The following GOLGA4 variants were observed in gnomAD, a reference collection of about 807,000 sequenced individuals.
GOLGA4 encodes the protein golgin A4.
In GOLGA4, 169 loss-of-function variants were observed where a neutral mutation model predicts 265.9. The ratio of observed to expected loss-of-function variants is 0.64; its 90% CI spans 0.56 to 0.72. GOLGA4 has a LOEUF of 0.72. Ranked by LOEUF, GOLGA4 falls within the 30% of genes least tolerant of loss-of-function variation. The pLI is 0.00. For synonymous variants in GOLGA4, 923 were observed against 855.8 expected, an observed-to-expected ratio of 1.08 and a Z score of -1.37; for missense variants, 2,482 against 2,483.4, an observed-to-expected ratio of 1.00 and a Z score of 0.01.
At chr3:37,347,024 A>G (rs555168506) in intron 20 of GOLGA4, among the ~76,000 whole-genome samples, 169 bp from the exon 21 acceptor site, 1 of 152,354 alleles carries the variant, frequency 6.6e-6, no homozygotes, top group East Asian at 1.9e-4. Context: ...CAAGCATAAA[A>G]TAGTAATTGG....
At chr3:37,259,894 G>C (rs114218693) in intron 2 of GOLGA4, among the ~76,000 whole-genome samples, 1 of 152,202 alleles carries the variant, frequency 6.6e-6, no homozygotes, top group Non-Finnish European at 1.5e-5. Context: ...TTTCTATGTA[G>C]TAAAACTATC....
intron 3 of GOLGA4, among the ~76,000 whole-genome samples, chr3:37,284,404 C>T (rs930875572): frequency 9.9e-5 from 15 of 152,082 alleles, no homozygotes; most frequent in African/African-American, 3.1e-4. Context: ...CAGGCATGCG[C>T]CACCATGCTC....
chr3:37,251,353 C>A, intron 1 of GOLGA4, 42 bp from the exon 2 acceptor site: 1 of 1,214,100 alleles, frequency 8.2e-7, no homozygotes, highest in Non-Finnish European at 1.2e-6. Flanking sequence ...GTTCACTAGT[C>A]AATATAGTCT....
intron 2 of GOLGA4, chr3:37,275,801 AC>A: frequency 6.2e-7 from 1 of 1,613,674 alleles, no homozygotes; most frequent in Non-Finnish European, 8.5e-7. Flanking sequence ...TATTCCTATG[AC>A]CCTGGAATTA....
intron 2 of GOLGA4, among the ~76,000 whole-genome samples, chr3:37,259,542 T>G (rs980670048): frequency 2.6e-5 from 4 of 152,236 alleles, no homozygotes; most frequent in African/African-American, 7.2e-5. Context: ...CTGATTTTCA[T>G]GATATGAGTC....
intron 2 of GOLGA4, among the ~76,000 whole-genome samples, chr3:37,274,925 T>A (rs958192587): frequency 9.3e-5 from 14 of 151,320 alleles, no homozygotes; most frequent in African/African-American, 3.4e-4. Context: ...GTCTAACAAA[T>A]GTTTAGGGCC....
Position 37,335,057 on chromosome 3 carries a change from G to C in GOLGA4, c.6197G>C (p.Arg2066Pro). Residue 2066 changes from arginine to proline, a missense_variant, in exon 17 of 24, where the codon CGT (arginine) becomes CCT (proline). Physicochemically the swap from Arg to Pro is moderately radical, Grantham distance 103. This residue lies in a region of GOLGA4 where 942 missense variants were observed against 983.1 expected (regional missense o/e 0.96). Transcript: ENST00000361924. Reference protein sequence around the residue: ...AKRYEEILDAREEEMTAKVRD... With the variant: ...AKRYEEILDAPEEEMTAKVRD... ...CTTTTTTTTTAAATCCTAAAGGCTC[G>C]TGAAGAAGAAATGACTGCAAAAGTA... 1.9e-6 allele frequency: 3 copies of C among 1,557,242 alleles called. No homozygotes were observed. The highest frequency in any genetic ancestry group is 2.6e-6 in the Non-Finnish European group (3 of 1,139,054).
intron 21 of GOLGA4, among the ~76,000 whole-genome samples, chr3:37,348,689 A>G (rs2097063970): frequency 6.6e-6 from 1 of 152,200 alleles, no homozygotes; most frequent in Admixed American, 6.5e-5. Context: ...ACCTTGGCTC[A>G]TTAGTGAATC....
chr3:37,256,097 A>G (rs1361612533), intron 2 of GOLGA4, among the ~76,000 whole-genome samples: 1 of 152,080 alleles, frequency 6.6e-6, no homozygotes, highest in Non-Finnish European at 1.5e-5. Flanking sequence ...CCCCTCCAGT[A>G]TGTGTATCCG....
At chr3:37,360,979 A>G (rs1696208458) in intron 22 of GOLGA4, among the ~76,000 whole-genome samples, 1 of 152,202 alleles carries the variant, frequency 6.6e-6, no homozygotes, top group South Asian at 2.1e-4. Context: ...TAAAATATGC[A>G]GTACACCTTT....
intron 20 of GOLGA4, among the ~76,000 whole-genome samples, chr3:37,343,280 C>T (rs1040985652): frequency 5.9e-5 from 9 of 152,240 alleles, no homozygotes; most frequent in African/African-American, 2.2e-4. Flanking sequence ...CGCCTCCACG[C>T]CTGGCTAATT....
chr3:37,345,403 T>C (rs1240027536), intron 20 of GOLGA4, among the ~76,000 whole-genome samples: 1 of 152,216 alleles, frequency 6.6e-6, no homozygotes, highest in Non-Finnish European at 1.5e-5. Flanking sequence ...AAAATTGTGT[T>C]AAATGTCAAG....
rs775773003 is a variant in GOLGA4, at chr3:37,302,315, A to C, written c.1217A>C (p.Glu406Ala). 5.0e-6 allele frequency: 8 copies of C among 1,613,570 alleles called. No individual in the cohort carries two copies. The Admixed American group carries it at 1.3e-4, about 27-fold the overall frequency. The change falls in exon 10 of 24, where the codon GAA (glutamate) becomes GCA (alanine). Residue 406 changes from glutamate (E) to alanine (A), a missense_variant. Coordinates refer to ENST00000361924, the MANE Select transcript of GOLGA4 (RefSeq NM_002078.5). ...GGAGAGGAATTACGGGAACAGAAAG[A>C]AAAGTCCGAAAGAGCTGGTAAGAAC... ...TQGEELREQK[E>A]KSERAAFEEL...
At chr3:37,320,687 A>G (rs2096952424) in intron 12 of GOLGA4, among the ~76,000 whole-genome samples, 1 of 152,240 alleles carries the variant, frequency 6.6e-6, no homozygotes, top group Admixed American at 6.5e-5. Flanking sequence ...GGAAATAAAT[A>G]GTGCTAAAAA....
chr3:37,347,244 T>C lies in GOLGA4; in HGVS notation c.6524T>C (p.Phe2175Ser), dbSNP rs368223449. 6.2e-7 allele frequency: 1 copy of C among 1,613,108 alleles called. No homozygotes were observed. The highest frequency in any genetic ancestry group is 8.5e-7 in the Non-Finnish European group (1 of 1,179,350). ...TCACTCTTTGGAGAACCTACCGAAT[T>C]TGAGTATTTGCGAAAAGTGCTTTTT... is the stretch of plus-strand genomic sequence containing the variant. ...DVSLFGEPTE[F>S]EYLRKVLFEY... Residue 2175 changes from phenylalanine (F) to serine (S), a missense_variant, in exon 21 of 24, where the codon TTT becomes TCT. This residue lies in a region of GOLGA4 where 942 missense variants were observed against 983.1 expected (regional missense o/e 0.96). Transcript: ENST00000361924.
intron 2 of GOLGA4, among the ~76,000 whole-genome samples, chr3:37,279,883 G>T (rs1277492244): frequency 6.6e-6 from 1 of 151,500 alleles, no homozygotes; most frequent in African/African-American, 2.4e-5. Context: ...CTGCAGCCTG[G>T]GCAACAGAGA....
intron 5 of GOLGA4, among the ~76,000 whole-genome samples, chr3:37,291,602 C>T (rs1188403623): frequency 6.6e-6 from 1 of 152,132 alleles, no homozygotes; most frequent in Non-Finnish European, 1.5e-5. Flanking sequence ...GAAAAGCATG[C>T]CTTGTCATGC....
intron 2 of GOLGA4, among the ~76,000 whole-genome samples, chr3:37,281,388 A>G (rs962872705): frequency 2.0e-5 from 3 of 152,152 alleles, no homozygotes; most frequent in African/African-American, 7.2e-5. Flanking sequence ...ACATTCCCTT[A>G]TTAAACAAAG....
intron 10 of GOLGA4, among the ~76,000 whole-genome samples, chr3:37,314,681 A>ACACACACACACACG (rs2096932592): frequency 1.4e-5 from 2 of 144,242 alleles, no homozygotes; most frequent in African/African-American, 5.0e-5. Context: ...ACACACACAC[A>ACACACACACACACG]CGAAAAAAAC....
Sources: gnomAD v4.1 joint callset for allele counts (sites outside exome capture counted in the v4.1 genomes callset) on GRCh38, gnomAD v4.1.1 for gene constraint, gnomAD v4.1.1 regional missense constraint, MANE v1.5 for transcripts, NCBI Gene and HGNC (gene_info 2026-07-23, HGNC 2026-07-21) for gene names.